ADGRB3: variants seen among roughly 807,000 people sequenced by gnomAD.
The protein encoded by ADGRB3 is adhesion G protein-coupled receptor B3.
In ADGRB3, 37 loss-of-function variants were observed where a neutral mutation model predicts 193.4. That is an observed-to-expected ratio of 0.19 (90% CI 0.15 to 0.25). ADGRB3 has a LOEUF of 0.25. Ranked by LOEUF, ADGRB3 falls within the 10% of genes least tolerant of loss-of-function variation. The probability of loss-of-function intolerance (pLI) is 1.00; values close to 1 mark genes in which losing one functional copy is unlikely to be tolerated. For synonymous variants in ADGRB3, 690 were observed against 644.2 expected (o/e 1.07, Z -1.08); for missense variants, 1,637 against 1,852.9 (o/e 0.88, Z 2.14).
intron 3 of ADGRB3, among the ~76,000 whole-genome samples, chr6:68,910,061 G>A (rs1266590849): frequency 6.6e-6 from 1 of 152,100 alleles, no homozygotes; most frequent in Non-Finnish European, 1.5e-5. Context: ...ATCCTCTCCA[G>A]CACCTGTTGT....
At chr6:69,309,037 A>G (rs1768124472) in intron 20 of ADGRB3, among the ~76,000 whole-genome samples, 2 of 151,738 alleles carry the variant, frequency 1.3e-5, no homozygotes, top group Admixed American at 1.3e-4. Flanking sequence ...ATATTGAGGG[A>G]AGCCAGTCAT....
At chr6:69,040,675 CAAAAAAAAAAAAAAAAAAA>C (rs869146684) in intron 13 of ADGRB3, among the ~76,000 whole-genome samples, 2 of 19,518 alleles carry the variant, frequency 1.0e-4, no homozygotes, top group Admixed American at 1.0e-3. Context: ...GACTGATGGA[CAAAAAAAAAAAAAAAAAAA>C]AAAAAAAAAA....
chr6:69,215,809 T>C (rs997800966), intron 17 of ADGRB3, among the ~76,000 whole-genome samples: 2 of 152,172 alleles, frequency 1.3e-5, no homozygotes, highest in African/African-American at 2.4e-5. Flanking sequence ...CTCTGGCTTG[T>C]TAGAGGAGGA....
At chr6:68,643,660 G>A (rs1447042313) in intron 3 of ADGRB3, among the ~76,000 whole-genome samples, 2 of 146,844 alleles carry the variant, frequency 1.4e-5, no homozygotes, top group African/African-American at 2.5e-5. Context: ...TCGGCTGGTC[G>A]CAGTGTCTTG....
intron 3 of ADGRB3, among the ~76,000 whole-genome samples, chr6:68,749,087 A>G (rs1007668661): frequency 6.6e-6 from 1 of 151,864 alleles, no homozygotes; most frequent in Non-Finnish European, 1.5e-5. Context: ...TCATGAAACC[A>G]CTTTTTCCTC....
intron 3 of ADGRB3, among the ~76,000 whole-genome samples, chr6:68,911,153 A>G (rs2150237341): frequency 6.6e-6 from 1 of 151,958 alleles, no homozygotes; most frequent in Admixed American, 6.6e-5. Context: ...CATTCTCAGC[A>G]AACTATAGCA....
chr6:68,789,650 T>A (rs528120557), intron 3 of ADGRB3, among the ~76,000 whole-genome samples: 1 of 151,930 alleles, frequency 6.6e-6, no homozygotes, highest in Non-Finnish European at 1.5e-5. Context: ...CTCTTCTCGA[T>A]GAGTATCTTT....
intron 20 of ADGRB3, among the ~76,000 whole-genome samples, chr6:69,261,762 C>CA (rs1304067522): frequency 4.0e-5 from 6 of 151,682 alleles, no homozygotes; most frequent in Non-Finnish European, 8.8e-5. Context: ...AAATGAAGGC[C>CA]AAAGCATTTT....
At chr6:68,934,675 C>A (rs936570301) in intron 4 of ADGRB3, among the ~76,000 whole-genome samples, 2 of 152,092 alleles carry the variant, frequency 1.3e-5, no homozygotes, top group African/African-American at 2.4e-5. Context: ...TCCCTAACTT[C>A]AGCTTAAATT....
At chr6:69,159,378 C>G (rs537313427) in intron 17 of ADGRB3, among the ~76,000 whole-genome samples, 1 of 152,062 alleles carries the variant, frequency 6.6e-6, no homozygotes, top group East Asian at 1.9e-4. Context: ...TATCTTATTT[C>G]TTACCTCAAG....
At chr6:68,696,625 A>G (rs114956920) in intron 3 of ADGRB3, among the ~76,000 whole-genome samples, 4,103 of 151,916 alleles carry the variant, frequency 0.027, 174 homozygotes, top group African/African-American at 0.093. Context: ...TTTTTTTCAC[A>G]TTATATGACA....
intron 17 of ADGRB3, among the ~76,000 whole-genome samples, chr6:69,110,689 A>G (rs1004292013): frequency 1.3e-5 from 2 of 152,208 alleles, no homozygotes; most frequent in African/African-American, 2.4e-5. Flanking sequence ...CTACTCTATA[A>G]TAGTACAAAG....
At chr6:68,864,488 A>T (rs376336932) in intron 3 of ADGRB3, among the ~76,000 whole-genome samples, 1 of 150,114 alleles carries the variant, frequency 6.7e-6, no homozygotes, top group South Asian at 2.2e-4. Context: ...CCTCTCTAAA[A>T]CCTGTTGCTT....
intron 6 of ADGRB3, among the ~76,000 whole-genome samples, chr6:68,948,863 A>G (rs1316186578): frequency 1.3e-5 from 2 of 152,138 alleles, no homozygotes; most frequent in African/African-American, 4.8e-5. Flanking sequence ...ATTTAATTAT[A>G]TGATTCAGTG....
chr6:68,669,311 A>G (rs1379169802), intron 3 of ADGRB3, among the ~76,000 whole-genome samples: 1 of 151,828 alleles, frequency 6.6e-6, no homozygotes, highest in African/African-American at 2.4e-5. Context: ...TTTATAGCAC[A>G]ACATCTGTTC....
intron 31 of ADGRB3, among the ~76,000 whole-genome samples, chr6:69,384,191 T>C (rs1464848160): frequency 1.3e-5 from 2 of 152,070 alleles, no homozygotes; most frequent in African/African-American, 4.8e-5. Context: ...ATGAGAAATA[T>C]ACGCTCTAAC....
chr6:68,654,756 G>A (rs1325928426), intron 3 of ADGRB3, among the ~76,000 whole-genome samples: 1 of 151,610 alleles, frequency 6.6e-6, no homozygotes, highest in Non-Finnish European at 1.5e-5. Context: ...TCTTAACCAG[G>A]GTGATTTATG....
At chr6:68,817,962 G>C (rs904903051) in intron 3 of ADGRB3, among the ~76,000 whole-genome samples, 2 of 151,948 alleles carry the variant, frequency 1.3e-5, no homozygotes, top group Non-Finnish European at 2.9e-5. Context: ...CTTGATTGAC[G>C]AAATTGAGAA....
chr6:68,851,024 T>G (rs1371208400), intron 3 of ADGRB3, among the ~76,000 whole-genome samples: 1 of 151,974 alleles, frequency 6.6e-6, no homozygotes, highest in Non-Finnish European at 1.5e-5. Context: ...AGTAATTCCA[T>G]TCTGTTCCAT....
Sources: gnomAD v4.1 joint callset for allele counts (sites outside exome capture counted in the v4.1 genomes callset) on GRCh38, gnomAD v4.1.1 for gene constraint, MANE v1.5 for transcripts, NCBI Gene and HGNC (gene_info 2026-07-23, HGNC 2026-07-21) for gene names.